RAB8B: variants seen among roughly 807,000 people sequenced by gnomAD.
RAB8B encodes the protein ras-related protein Rab-8B.
A neutral mutation model predicts 32.0 loss-of-function variants in RAB8B; 11 were observed. The observed-to-expected ratio is 0.34, with a 90% CI of 0.22 to 0.57. RAB8B has a LOEUF of 0.57. Ranked by LOEUF, RAB8B falls within the 20% of genes least tolerant of loss-of-function variation. RAB8B has a pLI of 0.86. For missense variants in RAB8B, 190 were observed against 258.5 expected (o/e 0.73, Z 1.82); for synonymous variants, 103 against 89.6 (o/e 1.15, Z -0.85).
At chr15:63,243,111 A>G (rs1360201347) in intron 1 of RAB8B, among the ~76,000 whole-genome samples, 1 of 150,626 alleles carries the variant, frequency 6.6e-6, no homozygotes, top group Non-Finnish European at 1.5e-5. Context: ...GATCCCCCAC[A>G]TGGGCAGTTC....
chr15:63,255,368 T>C, intron 3 of RAB8B, 139 bp from the exon 4 acceptor site: 1 of 538,438 alleles, frequency 1.9e-6, no homozygotes, highest in African/African-American at 1.9e-5. Context: ...CTCTGTACTT[T>C]TCAAATTTAT....
intron 1 of RAB8B, among the ~76,000 whole-genome samples, chr15:63,206,990 C>T (rs370572814): frequency 1.4e-4 from 21 of 152,258 alleles, no homozygotes; most frequent in Admixed American, 2.0e-4. Context: ...AAACTCATTC[C>T]TCCTTTGGCT....
At chr15:63,252,451 A>G (rs1374555788) in intron 3 of RAB8B, among the ~76,000 whole-genome samples, 1 of 152,206 alleles carries the variant, frequency 6.6e-6, no homozygotes, top group East Asian at 1.9e-4. Context: ...CCTAAGTTAG[A>G]AGCCTCAGAC....
chr15:63,202,232 C>T (rs909394907), intron 1 of RAB8B, among the ~76,000 whole-genome samples: 13 of 151,082 alleles, frequency 8.6e-5, no homozygotes, highest in South Asian at 4.2e-4. Context: ...GAGCCGAGAT[C>T]GCGCCACTGC....
chr15:63,260,859 T>G (rs948150222), intron 6 of RAB8B, among the ~76,000 whole-genome samples: 4 of 152,216 alleles, frequency 2.6e-5, no homozygotes, highest in African/African-American at 9.6e-5. Context: ...GGTTACTCAT[T>G]GTTCATCATA....
intron 5 of RAB8B, 29 bp downstream of exon 5, chr15:63,256,623 G>A: frequency 6.9e-7 from 1 of 1,457,644 alleles, no homozygotes; most frequent in Non-Finnish European, 9.4e-7. Context: ...GATAAAGGTT[G>A]GAATCTACTC....
chr15:63,229,137 T>A (rs2037912537), intron 1 of RAB8B, among the ~76,000 whole-genome samples: 1 of 152,214 alleles, frequency 6.6e-6, no homozygotes, highest in Non-Finnish European at 1.5e-5. Context: ...AAAATATTCC[T>A]TCATGGTAAA....
chr15:63,214,441 G>A (rs961142061), intron 1 of RAB8B, among the ~76,000 whole-genome samples: 3 of 151,798 alleles, frequency 2.0e-5, no homozygotes, highest in African/African-American at 7.3e-5. Context: ...ACAGGCAGGT[G>A]CCACCGTGCC....
intron 2 of RAB8B, among the ~76,000 whole-genome samples, chr15:63,247,444 G>T (rs1225619234): frequency 6.6e-6 from 1 of 152,156 alleles, no homozygotes; most frequent in Non-Finnish European, 1.5e-5. Flanking sequence ...AATAAATATG[G>T]TTCCTCCAGA....
intron 1 of RAB8B, among the ~76,000 whole-genome samples, chr15:63,210,226 T>G (rs765918668): frequency 3.5e-4 from 54 of 152,204 alleles, no homozygotes; most frequent in Non-Finnish European, 6.3e-4. Flanking sequence ...TTTCCCCAGG[T>G]AAGAGGCTAC....
At chr15:63,203,470 C>T (rs2037669666) in intron 1 of RAB8B, among the ~76,000 whole-genome samples, 1 of 152,124 alleles carries the variant, frequency 6.6e-6, no homozygotes. Flanking sequence ...ATGTGTTTGT[C>T]ACATGGAAAG....
intron 1 of RAB8B, among the ~76,000 whole-genome samples, chr15:63,191,028 C>G (rs1187243013): frequency 5.3e-5 from 8 of 152,192 alleles, no homozygotes; most frequent in Admixed American, 4.6e-4. Flanking sequence ...CAAGTCAAAG[C>G]TGGTTTTAAG....
At chr15:63,205,886 T>C (rs958803596) in intron 1 of RAB8B, among the ~76,000 whole-genome samples, 7 of 152,226 alleles carry the variant, frequency 4.6e-5, no homozygotes, top group Non-Finnish European at 8.8e-5. Context: ...GTTCAGTTCA[T>C]GGGCAGTAAA....
At position 63,266,726 on chromosome 15, in the gene RAB8B, A is replaced by G. The variant is rs1011939191; in HGVS notation, c.*3107A>G. The G allele has an allele frequency of 7.2e-5, 11 of 152,540 alleles. No homozygotes were observed. Among genetic ancestry groups the G allele is most frequent in the African/African-American group, 2.7e-4 (11 of 41,460 alleles). 9.4% of individuals were successfully genotyped at this position (152,540 alleles called of 1,614,324 possible). ...AAAAAAGTATTATCTCCCTGTCTCC[A>G]TTAATAAATTTAGCTGTGCAATATA... On this transcript the variant is annotated 3_prime_UTR_variant, in exon 8 of 8. Transcript: ENST00000321437.
intron 6 of RAB8B, among the ~76,000 whole-genome samples, chr15:63,261,030 A>T (rs977270896): frequency 6.6e-6 from 1 of 152,256 alleles, no homozygotes; most frequent in Non-Finnish European, 1.5e-5. Context: ...ACAAGCTTAG[A>T]TAAGCAGAAA....
chr15:63,201,608 A>G (rs1258426048), intron 1 of RAB8B, among the ~76,000 whole-genome samples: 2 of 152,218 alleles, frequency 1.3e-5, no homozygotes, highest in African/African-American at 2.4e-5. Flanking sequence ...GGGGAGGCCA[A>G]TTAGGACGTT....
chr15:63,245,146 C>T (rs980836564), intron 2 of RAB8B, among the ~76,000 whole-genome samples: 2 of 152,182 alleles, frequency 1.3e-5, no homozygotes, highest in Admixed American at 6.5e-5. Flanking sequence ...TCTGATAAGA[C>T]AGAGTAGTCA....
chr15:63,216,137 A>G (rs747675377), intron 1 of RAB8B, among the ~76,000 whole-genome samples: 1 of 151,734 alleles, frequency 6.6e-6, no homozygotes, highest in Non-Finnish European at 1.5e-5. Context: ...TTTCATATAT[A>G]TTATCTACTG....
chr15:63,239,128 G>A (rs995375842), intron 1 of RAB8B, among the ~76,000 whole-genome samples: 2 of 152,150 alleles, frequency 1.3e-5, no homozygotes, highest in African/African-American at 4.8e-5. Context: ...CACTGGACTT[G>A]TTGTAGATGA....
Sources: allele counts gnomAD v4.1 joint callset (sites outside exome capture counted in the v4.1 genomes callset), GRCh38; gene constraint gnomAD v4.1.1; transcripts MANE v1.5; gene names NCBI Gene and HGNC (gene_info 2026-07-23, HGNC 2026-07-21).